SGCZ: variants seen among roughly 807,000 people sequenced by gnomAD.
SGCZ encodes the protein sarcoglycan zeta.
SGCZ carries 40 observed loss-of-function variants against 41.3 expected under a neutral mutation model. That is an observed-to-expected ratio of 0.97 (90% CI 0.75 to 1.26). SGCZ has a LOEUF of 1.26. Ranked by LOEUF, SGCZ falls within the 50% of genes most tolerant of loss-of-function variation. The probability of loss-of-function intolerance (pLI) is 0.00; values close to 1 mark genes in which losing one functional copy is unlikely to be tolerated. For missense variants in SGCZ, 552 were observed against 369.8 expected, an observed-to-expected ratio of 1.49 and a Z score of -4.04; for synonymous variants, 206 against 137.5, an observed-to-expected ratio of 1.50 and a Z score of -3.49.
At chr8:14,866,868 T>C (rs987233241) in intron 1 of SGCZ, among the ~76,000 whole-genome samples, 3 of 152,170 alleles carry the variant, frequency 2.0e-5, no homozygotes, top group Non-Finnish European at 4.4e-5. Flanking sequence ...AAAAAGTTTA[T>C]CTGCTTGCAG....
At chr8:14,453,953 T>C (rs530539905) in intron 2 of SGCZ, among the ~76,000 whole-genome samples, 1 of 152,108 alleles carries the variant, frequency 6.6e-6, no homozygotes, top group Non-Finnish European at 1.5e-5. Context: ...AATATTCTTA[T>C]ATTGTACTTG....
chr8:14,414,441 G>A (rs1169761568), intron 2 of SGCZ, among the ~76,000 whole-genome samples: 1 of 151,900 alleles, frequency 6.6e-6, no homozygotes, highest in Non-Finnish European at 1.5e-5. Context: ...TGTTGATTAT[G>A]TAAATCTCAG....
intron 1 of SGCZ, among the ~76,000 whole-genome samples, chr8:15,115,230 G>C (rs536063737): frequency 1.3e-5 from 2 of 152,102 alleles, no homozygotes; most frequent in Non-Finnish European, 2.9e-5. Context: ...GCTATCAAAG[G>C]CAGGGCAGTT....
chr8:14,968,347 G>A (rs1179516354), intron 1 of SGCZ, among the ~76,000 whole-genome samples: 1 of 151,982 alleles, frequency 6.6e-6, no homozygotes, highest in Non-Finnish European at 1.5e-5. Flanking sequence ...ATTTTATGAA[G>A]ACTTACTAAC....
intron 4 of SGCZ, among the ~76,000 whole-genome samples, chr8:14,201,868 CAAT>C (rs985220661): frequency 7.4e-5 from 11 of 148,984 alleles, no homozygotes; most frequent in Non-Finnish European, 1.5e-4. Context: ...AAAACAACAA[CAAT>C]AACAACAAAA....
chr8:15,048,851 G>A (rs943356356), intron 1 of SGCZ, among the ~76,000 whole-genome samples: 6 of 152,010 alleles, frequency 3.9e-5, no homozygotes, highest in African/African-American at 9.7e-5. Context: ...AACTCCCACT[G>A]AATGGACAAG....
At chr8:15,194,765 C>G (rs543702204) in intron 1 of SGCZ, among the ~76,000 whole-genome samples, 1 of 152,140 alleles carries the variant, frequency 6.6e-6, no homozygotes, top group Admixed American at 6.5e-5. Context: ...AGGAAACATT[C>G]TCCATTCGAG....
Position 14,621,171 on chromosome 8 carries a change from A to T in SGCZ, c.40-66245T>A, listed in dbSNP as rs180775599. Among the ~76,000 whole-genome samples the T allele has an allele frequency of 9.2e-3, 1,389 of 151,722 alleles. 17 individuals are homozygous for T. The highest frequency in any genetic ancestry group is 0.032 in the African/African-American group (1,319 of 41,396). On this transcript the variant is annotated intron_variant, in intron 1 of 7. Coordinates refer to ENST00000382080, the MANE Select transcript of SGCZ (RefSeq NM_139167.4). Reference sequence around the variant, plus strand: ...GATGAAGCTGGAAACCATCATTCTCAGCAAACTATCACAAGGACAAAAAAC... The same window carrying T: ...GATGAAGCTGGAAACCATCATTCTCTGCAAACTATCACAAGGACAAAAAAC...
intron 1 of SGCZ, among the ~76,000 whole-genome samples, chr8:14,779,056 C>G (rs970439691): frequency 6.6e-6 from 1 of 152,118 alleles, no homozygotes; most frequent in Non-Finnish European, 1.5e-5. Context: ...CAGCAAAAAG[C>G]TAAATACAAC....
chr8:14,794,995 G>A lies in SGCZ; in HGVS notation c.40-240069C>T, dbSNP rs550514756. On this transcript the variant is annotated intron_variant, in intron 1 of 7. Coordinates refer to ENST00000382080, the MANE Select transcript of SGCZ (RefSeq NM_139167.4). ...TCACTTTCAGACAAATAACTTTTCC[G>A]GTATCTCTTCAGATGCCCTTGATTC... Among the ~76,000 whole-genome samples, 26 of 152,206 alleles carry A rather than the reference G, an allele frequency of 1.7e-4. No homozygotes were observed. In the East Asian group the frequency reaches 2.9e-3, roughly 17 times the overall value.
At chr8:15,127,324 T>A (rs1807741639) in intron 1 of SGCZ, among the ~76,000 whole-genome samples, 1 of 151,866 alleles carries the variant, frequency 6.6e-6, no homozygotes, top group South Asian at 2.1e-4. Context: ...GGCGTTATAC[T>A]ATAATTACAA....
At chr8:14,475,393 A>G (rs1801328907) in intron 2 of SGCZ, among the ~76,000 whole-genome samples, 1 of 152,170 alleles carries the variant, frequency 6.6e-6, no homozygotes, top group Admixed American at 6.5e-5. Context: ...AGTAGCAGCA[A>G]ACATTATTAA....
chr8:14,416,743 G>A (rs928016293), intron 2 of SGCZ, among the ~76,000 whole-genome samples: 1 of 151,862 alleles, frequency 6.6e-6, no homozygotes, highest in African/African-American at 2.4e-5. Flanking sequence ...CACTCTGCTA[G>A]CTTGCAGATC....
chr8:14,134,759 T>A (rs1274942224), intron 5 of SGCZ, among the ~76,000 whole-genome samples: 1 of 152,122 alleles, frequency 6.6e-6, no homozygotes, highest in African/African-American at 2.4e-5. Flanking sequence ...GATTTCACAT[T>A]TCTGTTTTTT....
chr8:14,314,671 T>G (rs776971430), intron 3 of SGCZ, among the ~76,000 whole-genome samples: 3 of 152,162 alleles, frequency 2.0e-5, no homozygotes, highest in Non-Finnish European at 2.9e-5. Flanking sequence ...TTTTCATCAG[T>G]GGGTACATGG....
chr8:14,709,149 T>A (rs1037456459), intron 1 of SGCZ, among the ~76,000 whole-genome samples: 1 of 152,176 alleles, frequency 6.6e-6, no homozygotes, highest in Non-Finnish European at 1.5e-5. Flanking sequence ...TATTTTGTCA[T>A]GATCTAAAAG....
At chr8:14,160,608 G>A (rs1356096406) in intron 5 of SGCZ, among the ~76,000 whole-genome samples, 2 of 152,092 alleles carry the variant, frequency 1.3e-5, no homozygotes, top group African/African-American at 2.4e-5. Flanking sequence ...ACTTCTCCTG[G>A]GCAAGACAAG....
At chr8:14,330,170 T>C (rs1802261976) in intron 2 of SGCZ, among the ~76,000 whole-genome samples, 1 of 152,204 alleles carries the variant, frequency 6.6e-6, no homozygotes, top group African/African-American at 2.4e-5. Context: ...TTTAGTTAAC[T>C]GTGTATACAT....
At chr8:14,233,224 A>C (rs1217005552) in intron 4 of SGCZ, among the ~76,000 whole-genome samples, 1 of 152,012 alleles carries the variant, frequency 6.6e-6, no homozygotes, top group African/African-American at 2.4e-5. Flanking sequence ...AAAGGAAAAT[A>C]AAATATTAGT....
Sources: gnomAD v4.1 joint callset for allele counts (sites outside exome capture counted in the v4.1 genomes callset) on GRCh38, gnomAD v4.1.1 for gene constraint, MANE v1.5 for transcripts, NCBI Gene and HGNC (gene_info 2026-07-23, HGNC 2026-07-21) for gene names.